Variants in PLCE1 observed in about 807,000 individuals in gnomAD.
PLCE1 encodes the protein 1-phosphatidylinositol 4,5-bisphosphate phosphodiesterase epsilon-1.
Under a neutral mutation model 242.8 loss-of-function variants are expected in PLCE1, and 119 were observed. That is an observed-to-expected ratio of 0.49 (90% CI 0.42 to 0.57). The LOEUF (loss-of-function observed/expected upper bound fraction) is 0.57, where lower values mean the gene tolerates loss of function less well. PLCE1 is among the 20% of genes least tolerant of loss of function. PLCE1 has a pLI of 0.00. For missense variants in PLCE1, 2,441 were observed against 2,788.8 expected (o/e 0.88, Z 2.81); for synonymous variants, 945 against 1,017.4 (o/e 0.93, Z 1.35).
intron 4 of PLCE1, among the ~76,000 whole-genome samples, chr10:94,220,043 T>C (rs1039735898): frequency 5.9e-5 from 9 of 152,002 alleles, no homozygotes; most frequent in Admixed American, 3.3e-4. Flanking sequence ...CCACTTCATG[T>C]CAAGGAGGAT....
intron 11 of PLCE1, 33 bp downstream of exon 11, chr10:94,255,082 CT>C (rs2051023676): frequency 6.2e-7 from 1 of 1,608,386 alleles, no homozygotes. Context: ...CAGAAGGACC[CT>C]TCACATTATT....
chr10:94,327,946 G>T, intron 32 of PLCE1, 22 bp from the exon 33 acceptor site: 1 of 529,654 alleles, frequency 1.9e-6, no homozygotes, highest in Admixed American at 2.0e-5. Context: ...ATACTAATAA[G>T]CCTCTGTATA....
chr10:94,207,278 G>A lies in PLCE1; in HGVS notation c.1810-20028G>A, dbSNP rs544380071. On this transcript the variant is annotated intron_variant, in intron 4 of 32. Transcript: ENST00000371380. ...CAGCTGGGAGACAGAAGGGAAAGCC[G>A]AAATGGTTGGGACATTGGTTACTGT... is the stretch of plus-strand genomic sequence containing the variant. Among the ~76,000 whole-genome samples, 23 of 152,298 alleles carry A rather than the reference G, an allele frequency of 1.5e-4. 1 individual carries two copies. The East Asian group carries it at 2.9e-3, about 19-fold the overall frequency.
chr10:94,045,159 C>A (rs2061853138), intron 2 of PLCE1, among the ~76,000 whole-genome samples: 1 of 151,974 alleles, frequency 6.6e-6, no homozygotes, highest in South Asian at 2.1e-4. Flanking sequence ...TACCACCATG[C>A]CCGGATAATT....
At chr10:94,263,028 C>T (rs192194071) in intron 14 of PLCE1, among the ~76,000 whole-genome samples, 37 of 151,892 alleles carry the variant, frequency 2.4e-4, no homozygotes, top group East Asian at 1.2e-3. Context: ...TGCGCCACCA[C>T]GCCCAGCTAA....
chr10:94,062,585 T>TTG (rs1004405221), intron 2 of PLCE1, among the ~76,000 whole-genome samples: 2 of 115,418 alleles, frequency 1.7e-5, no homozygotes, highest in African/African-American at 1.2e-4. Context: ...TGGTTTTGTT[T>TTG]TTTTTTTTGT....
chr10:94,282,623 C>A (rs1021209270), intron 20 of PLCE1, among the ~76,000 whole-genome samples: 1 of 152,160 alleles, frequency 6.6e-6, no homozygotes, highest in Admixed American at 6.6e-5. Context: ...CTAGTCCTTG[C>A]ATTGTTCCAC....
At chr10:94,087,102 C>T (rs1026085189) in intron 2 of PLCE1, among the ~76,000 whole-genome samples, 6 of 152,086 alleles carry the variant, frequency 3.9e-5, no homozygotes, top group African/African-American at 1.2e-4. Context: ...AATCCCAGCC[C>T]TTTGGGAGGC....
At chr10:94,192,273 C>T (rs1398922264) in intron 4 of PLCE1, among the ~76,000 whole-genome samples, 1 of 152,106 alleles carries the variant, frequency 6.6e-6, no homozygotes, top group Non-Finnish European at 1.5e-5. Flanking sequence ...GTTTGGGGTA[C>T]AAATGATCCT....
intron 4 of PLCE1, among the ~76,000 whole-genome samples, chr10:94,197,094 T>G (rs566561719): frequency 6.6e-6 from 1 of 152,298 alleles, no homozygotes; most frequent in South Asian, 2.1e-4. Flanking sequence ...ACACAATAAG[T>G]GGCCTTTTTT....
intron 4 of PLCE1, 53 bp downstream of exon 4, chr10:94,171,549 T>A: frequency 2.9e-6 from 4 of 1,370,768 alleles, no homozygotes; most frequent in Non-Finnish European, 4.2e-6. Flanking sequence ...TAAGTGATTT[T>A]CAAGCATACC....
chr10:94,130,815 C>T (rs2046577728), intron 2 of PLCE1, among the ~76,000 whole-genome samples: 1 of 152,140 alleles, frequency 6.6e-6, no homozygotes, highest in Admixed American at 6.5e-5. Flanking sequence ...TCATAAGGAC[C>T]TAGCACAGCT....
At chr10:94,000,074 T>A (rs1398521607) in intron 1 of PLCE1, among the ~76,000 whole-genome samples, 1 of 152,192 alleles carries the variant, frequency 6.6e-6, no homozygotes, top group East Asian at 1.9e-4. Context: ...TGCTGAGGAA[T>A]GAAGATCTCT....
rs1192982892 is a variant in PLCE1 at position 94,259,063 on chromosome 10, CCCTGCAA to C, written c.3730_3736del (p.Cys1244AspfsTer13). The stretch of plus-strand genomic sequence containing the variant: ...GGATCTGTTTGATGTCTATGCAGTG[CCCTGCAA>C]CCGATCTGGCTCCGAGTCAGCCCCA... On this transcript the variant is annotated frameshift_variant, in exon 13 of 33. Coordinates refer to ENST00000371380, the MANE Select transcript of PLCE1 (RefSeq NM_016341.4). LOFTEE classifies it high-confidence loss of function. 1 of 1,614,054 alleles carries C rather than the reference CCCTGCAA, an allele frequency of 6.2e-7. No individual in the cohort carries two copies. Among genetic ancestry groups the C allele is most frequent in the Non-Finnish European group, 8.5e-7 (1 of 1,179,946 alleles).
At chr10:94,316,103 G>T (rs577657117) in intron 28 of PLCE1, among the ~76,000 whole-genome samples, 2 of 152,096 alleles carry the variant, frequency 1.3e-5, no homozygotes. Context: ...GAATTCCCAG[G>T]AACTTAGACC....
At chr10:94,322,121 T>C in intron 30 of PLCE1, 62 bp downstream of exon 30, 1 of 1,454,050 alleles carries the variant, frequency 6.9e-7, no homozygotes, top group South Asian at 1.1e-5. Context: ...GGAACAAATG[T>C]CTGTGCACTG....
At chr10:94,293,460 G>A (rs2052707071) in intron 22 of PLCE1, 48 bp from the exon 23 acceptor site, 3 of 1,600,742 alleles carry the variant, frequency 1.9e-6, no homozygotes, top group Middle Eastern at 1.7e-4. Context: ...ATGTTGAGTT[G>A]CCTTGCTTGT....
chr10:94,027,531 A>G (rs954213585), intron 1 of PLCE1, among the ~76,000 whole-genome samples: 2 of 152,166 alleles, frequency 1.3e-5, no homozygotes, highest in African/African-American at 2.4e-5. Flanking sequence ...CATATAAGAT[A>G]AGCTTCTTGG....
intron 3 of PLCE1, among the ~76,000 whole-genome samples, chr10:94,149,390 G>A (rs773197288): frequency 1.3e-5 from 2 of 152,184 alleles, no homozygotes; most frequent in Non-Finnish European, 2.9e-5. Context: ...ATTTCTGAGA[G>A]CTACGTGCAG....
Sources: gnomAD v4.1 joint callset for allele counts (sites outside exome capture counted in the v4.1 genomes callset) on GRCh38, gnomAD v4.1.1 for gene constraint, MANE v1.5 for transcripts, NCBI Gene and HGNC (gene_info 2026-07-23, HGNC 2026-07-21) for gene names.